Variants in SLC4A10 observed in about 807,000 individuals in gnomAD.
The protein encoded by SLC4A10 is sodium-driven chloride bicarbonate exchanger.
SLC4A10 carries 42 observed loss-of-function variants against 137.7 expected under a neutral mutation model. That is an observed-to-expected ratio of 0.30 (90% CI 0.24 to 0.39). The LOEUF is 0.39. Among genes scored for constraint, SLC4A10 ranks in the 10% least tolerant of loss-of-function variants. SLC4A10 has a pLI of 1.00. For synonymous variants in SLC4A10, 474 were observed against 464.1 expected, an observed-to-expected ratio of 1.02 and a Z score of -0.27; for missense variants, 925 against 1,355.0, an observed-to-expected ratio of 0.68 and a Z score of 4.98.
intron 3 of SLC4A10, among the ~76,000 whole-genome samples, chr2:161,825,221 C>A (rs2057936270): frequency 6.6e-6 from 1 of 152,116 alleles, no homozygotes; most frequent in South Asian, 2.1e-4. Context: ...GAGATCAGCA[C>A]CTTTAAGACC....
intron 15 of SLC4A10, among the ~76,000 whole-genome samples, chr2:161,923,156 T>C (rs975449462): frequency 1.3e-5 from 2 of 152,224 alleles, no homozygotes; most frequent in Middle Eastern, 3.2e-3. Context: ...TTAATTATAA[T>C]GTTTATGTAA....
At chr2:161,930,790 G>C (rs1241011572) in intron 15 of SLC4A10, among the ~76,000 whole-genome samples, 3 of 152,080 alleles carry the variant, frequency 2.0e-5, no homozygotes, top group Non-Finnish European at 4.4e-5. Context: ...ATTAAAAATT[G>C]TAGGTAAGAT....
chr2:161,737,118 C>T (rs188833173), intron 1 of SLC4A10, among the ~76,000 whole-genome samples: 1 of 152,200 alleles, frequency 6.6e-6, no homozygotes, highest in East Asian at 1.9e-4. Context: ...CTCAGCTTCC[C>T]AAAGTGCTTT....
chr2:161,816,932 ATAAACATACAT>A (rs1474857233), intron 3 of SLC4A10, among the ~76,000 whole-genome samples: 9 of 152,172 alleles, frequency 5.9e-5, no homozygotes, highest in African/African-American at 2.2e-4. Flanking sequence ...TAGTGCCGCA[ATAAACATACAT>A]GTGCATGTGT....
chr2:161,828,767 CATATATATATAT>C (rs58808663), intron 3 of SLC4A10, among the ~76,000 whole-genome samples: 4,531 of 42,064 alleles, frequency 0.11, 258 homozygotes, highest in East Asian at 0.34. Flanking sequence ...AATTCTAATT[CATATATATATAT>C]ATATATATAT....
At chr2:161,656,537 A>C (rs1297730992) in intron 1 of SLC4A10, among the ~76,000 whole-genome samples, 1 of 152,196 alleles carries the variant, frequency 6.6e-6, no homozygotes, top group Admixed American at 6.5e-5. Context: ...AAATGTGATC[A>C]CTACTCAGTT....
intron 15 of SLC4A10, among the ~76,000 whole-genome samples, chr2:161,918,070 C>T (rs1240369747): frequency 1.3e-5 from 2 of 152,162 alleles, no homozygotes; most frequent in Non-Finnish European, 2.9e-5. Context: ...ATGATTAATA[C>T]TTAGATTATA....
At chr2:161,929,046 T>C (rs957531660) in intron 15 of SLC4A10, among the ~76,000 whole-genome samples, 1 of 152,198 alleles carries the variant, frequency 6.6e-6, no homozygotes, top group Non-Finnish European at 1.5e-5. Context: ...TTTCAAAATA[T>C]GCAAATAACT....
chr2:161,826,703 T>C (rs1468025997), intron 3 of SLC4A10, among the ~76,000 whole-genome samples: 2 of 152,192 alleles, frequency 1.3e-5, no homozygotes, highest in African/African-American at 4.8e-5. Flanking sequence ...AGGGCTTTCC[T>C]CAGATAGCAT....
At chr2:161,950,573 C>A in intron 18 of SLC4A10, 114 bp from the exon 19 acceptor site, 1 of 835,680 alleles carries the variant, frequency 1.2e-6, no homozygotes, top group Non-Finnish European at 1.9e-6. Context: ...TATTATAGGC[C>A]ACTCAGCTCC....
At chr2:161,808,824 A>T (rs1465573963) in intron 3 of SLC4A10, among the ~76,000 whole-genome samples, 1 of 151,984 alleles carries the variant, frequency 6.6e-6, no homozygotes, top group Non-Finnish European at 1.5e-5. Flanking sequence ...CCATAAGGAA[A>T]CCTAGTTGAT....
At chr2:161,787,155 CTT>C (rs2053718539) in intron 2 of SLC4A10, among the ~76,000 whole-genome samples, 1 of 152,024 alleles carries the variant, frequency 6.6e-6, no homozygotes, top group East Asian at 1.9e-4. Context: ...TTGAGAAAGA[CTT>C]TATTTCTCCT....
chr2:161,911,066 A>G (rs892290063), intron 15 of SLC4A10, among the ~76,000 whole-genome samples: 14 of 151,972 alleles, frequency 9.2e-5, no homozygotes, highest in Non-Finnish European at 1.8e-4. Flanking sequence ...ATAAACATAC[A>G]TTAAGTATCA....
At chr2:161,943,139 G>A (rs547951257) in intron 16 of SLC4A10, among the ~76,000 whole-genome samples, 5 of 152,154 alleles carry the variant, frequency 3.3e-5, no homozygotes, top group South Asian at 4.2e-4. Context: ...ATATGTGACC[G>A]AGATGGACTG....
intron 5 of SLC4A10, among the ~76,000 whole-genome samples, chr2:161,858,135 A>T (rs2060207784): frequency 6.6e-6 from 1 of 152,158 alleles, no homozygotes; most frequent in Non-Finnish European, 1.5e-5. Flanking sequence ...ATTCACATAC[A>T]TTAGTCACTA....
At chr2:161,800,579 A>G (rs374374764) in intron 2 of SLC4A10, among the ~76,000 whole-genome samples, 1 of 152,090 alleles carries the variant, frequency 6.6e-6, no homozygotes, top group Admixed American at 6.6e-5. Context: ...TCACTGGAAG[A>G]CTAAAGTTTA....
At chr2:161,745,000 T>C (rs904518761) in intron 1 of SLC4A10, among the ~76,000 whole-genome samples, 1 of 152,180 alleles carries the variant, frequency 6.6e-6, no homozygotes, top group Non-Finnish European at 1.5e-5. Flanking sequence ...GAATTCCCTT[T>C]AGTAATTTTT....
intron 1 of SLC4A10, among the ~76,000 whole-genome samples, chr2:161,757,492 C>T (rs2049784216): frequency 1.3e-5 from 2 of 152,070 alleles, no homozygotes; most frequent in Admixed American, 6.6e-5. Context: ...AGCATTATAA[C>T]CGTATTAGCA....
intron 1 of SLC4A10, among the ~76,000 whole-genome samples, chr2:161,758,174 A>G (rs943102379): frequency 2.6e-5 from 4 of 151,946 alleles, no homozygotes; most frequent in Non-Finnish European, 2.9e-5. Flanking sequence ...AATTACATGT[A>G]TACTAATAGT....
Sources: allele counts gnomAD v4.1 joint callset (sites outside exome capture counted in the v4.1 genomes callset), GRCh38; gene constraint gnomAD v4.1.1; transcripts MANE v1.5; gene names NCBI Gene and HGNC (gene_info 2026-07-23, HGNC 2026-07-21).